FREM1: variants seen among roughly 807,000 people sequenced by gnomAD.
FREM1 encodes FRAS1-related extracellular matrix protein 1.
A neutral mutation model predicts 210.1 loss-of-function variants in FREM1; 220 were observed. The observed-to-expected ratio is 1.05, with a 90% confidence interval of 0.94 to 1.17. FREM1 has a LOEUF of 1.17. Ranked by LOEUF, FREM1 falls within the 50% of genes most tolerant of loss-of-function variation. The pLI is 0.00. For synonymous variants in FREM1, 1,189 were observed against 980.2 expected (o/e 1.21, Z -3.98); for missense variants, 3,454 against 2,675.5 (o/e 1.29, Z -6.42).
chr9:14,757,188 A>G (rs993421934), intron 28 of FREM1, among the ~76,000 whole-genome samples: 11 of 152,138 alleles, frequency 7.2e-5, no homozygotes, highest in African/African-American at 2.4e-4. Context: ...AAGACTAAAA[A>G]CCAAAGAGGC....
intron 8 of FREM1, among the ~76,000 whole-genome samples, chr9:14,843,348 AC>A (rs2131238931): frequency 6.6e-6 from 1 of 152,234 alleles, no homozygotes; most frequent in African/African-American, 2.4e-5. Flanking sequence ...GGACTGGGTT[AC>A]ACCATCAGCT....
At chr9:14,776,330 G>A (rs979570770) in intron 24 of FREM1, 127 bp from the exon 25 acceptor site, 103 of 1,115,628 alleles carry the variant, frequency 9.2e-5, no homozygotes, top group Non-Finnish European at 1.0e-4. Context: ...GAAAAATCAA[G>A]GGCAGATCTT....
At chr9:14,877,039 C>G (rs185064230) in intron 1 of FREM1, among the ~76,000 whole-genome samples, 1 of 152,280 alleles carries the variant, frequency 6.6e-6, no homozygotes, top group Non-Finnish European at 1.5e-5. Flanking sequence ...CTGCAGTCCT[C>G]TTATCTCACT....
Position 14,801,831 on chromosome 9 carries a change from C to T in FREM1, c.3515G>A (p.Ser1172Asn). 6.2e-7 allele frequency: 1 copy of T among 1,613,930 alleles called. No individual in the cohort carries two copies. Among genetic ancestry groups the T allele is most frequent in the Non-Finnish European group, 8.5e-7 (1 of 1,179,874 alleles). ...QMKELDSSIISAVDLDIPQDA... is the reference protein window; with the variant it reads ...QMKELDSSIINAVDLDIPQDA... ...CTGGGGAATGTCCAGGTCCACAGCG[C>T]TGATGATGGAAGAGTCCAGCTCTTT... Residue 1172 changes from serine to asparagine, a missense_variant, in exon 20 of 37, where the codon AGC becomes AAC. Transcript: ENST00000380880.
chr9:14,907,793 T>C (rs2132758407), intron 1 of FREM1, among the ~76,000 whole-genome samples: 1 of 152,350 alleles, frequency 6.6e-6, no homozygotes, highest in South Asian at 2.1e-4. Flanking sequence ...AGCCCATATC[T>C]GTGTTTAGAA....
At chr9:14,741,635 T>G (rs1317434047) in intron 35 of FREM1, among the ~76,000 whole-genome samples, 1 of 152,158 alleles carries the variant, frequency 6.6e-6, no homozygotes, top group Admixed American at 6.6e-5. Flanking sequence ...GGGTTAAATA[T>G]AAGCTGAGGG....
intron 19 of FREM1, among the ~76,000 whole-genome samples, chr9:14,802,389 C>T (rs924939687): frequency 6.6e-6 from 1 of 152,150 alleles, no homozygotes; most frequent in Admixed American, 6.5e-5. Flanking sequence ...GTAAAAACTT[C>T]TGTATTTCCA....
intron 25 of FREM1, chr9:14,774,097 C>A (rs1848097244): frequency 1.9e-6 from 1 of 518,866 alleles, no homozygotes; most frequent in Non-Finnish European, 3.8e-6. Context: ...TCTTTCTTCT[C>A]CCAGTGCATT....
chr9:14,873,689 T>G (rs1326873005), intron 1 of FREM1, among the ~76,000 whole-genome samples: 1 of 152,216 alleles, frequency 6.6e-6, no homozygotes, highest in Non-Finnish European at 1.5e-5. Context: ...CTGATTTTAG[T>G]TATTTCTTGC....
chr9:14,784,209 T>TA, intron 24 of FREM1, 161 bp downstream of exon 24: 1 of 624,024 alleles, frequency 1.6e-6, no homozygotes, highest in Non-Finnish European at 2.4e-6. Context: ...TTCCTTTTTT[T>TA]AAAAAACAAA....
At chr9:14,840,490 G>A (rs1825482888) in intron 10 of FREM1, among the ~76,000 whole-genome samples, 1 of 152,202 alleles carries the variant, frequency 6.6e-6, no homozygotes, top group Non-Finnish European at 1.5e-5. Context: ...GCAGCAGGCA[G>A]AGAGAGAGCG....
Position 14,747,531 on chromosome 9 carries a change from G to A in FREM1, c.5845-103C>T, listed in dbSNP as rs1190313507. 2.4e-6 allele frequency: 3 copies of A among 1,246,048 alleles called. No homozygotes were observed. The African/African-American group carries it at 4.6e-5, about 19-fold the overall frequency. The allele number at this position is 1,246,048 out of a possible 1,614,324, so 77.2% of individuals were successfully genotyped here. On this transcript the variant is annotated intron_variant, in intron 32 of 36. Coordinates refer to ENST00000380880, the MANE Select transcript of FREM1 (RefSeq NM_001379081.2). Reference sequence around the variant, plus strand: ...AAATTCAGTCAAAGCAAAAAGATAAGAGGATTTGTTTCTCTGAACACCCAA... The same window carrying A: ...AAATTCAGTCAAAGCAAAAAGATAAAAGGATTTGTTTCTCTGAACACCCAA...
rs367914255 is a variant in FREM1 at position 14,824,833 on chromosome 9, T to C, written c.2041A>G (p.Thr681Ala). ...GAGAAAAATGGAGGAGTAGTTATTG[T>C]GTAGACCAGCTCCCTGTCATATGAT... ...SESYDRELVY[T>A]ITTPPFFSFS... is the part of the protein sequence containing the mutation. Residue 681 changes from threonine to alanine, a missense_variant, in exon 11 of 37, where the codon ACA becomes GCA. By Grantham distance (58) the Thr-to-Ala change is moderately conservative (BLOSUM62 0). Coordinates refer to ENST00000380880, the MANE Select transcript of FREM1 (RefSeq NM_001379081.2). 2 of 1,613,080 alleles carry C rather than the reference T, an allele frequency of 1.2e-6. No individual in the cohort carries two copies. Among genetic ancestry groups the C allele is most frequent in the Non-Finnish European group, 8.5e-7 (1 of 1,179,472 alleles).
intron 1 of FREM1, among the ~76,000 whole-genome samples, chr9:14,903,095 T>C (rs983794375): frequency 3.3e-5 from 5 of 152,246 alleles, no homozygotes; most frequent in African/African-American, 1.2e-4. Context: ...GCAGCTTTTT[T>C]TGATTGTTCC....
rs368298867 is a variant in FREM1 at position 14,859,501 on chromosome 9, G to C, written c.330-17C>G. On this transcript the variant is annotated splice_polypyrimidine_tract_variant and intron_variant, in intron 3 of 36. Coordinates refer to ENST00000380880, the MANE Select transcript of FREM1 (RefSeq NM_001379081.2). ...TCAGTAAATCTGTGGAGAACACAGG[G>C]CAAAAGCAATATTAATTGGTGCTCA... is the stretch of plus-strand genomic sequence containing the variant. 3 of 1,595,992 alleles carry C rather than the reference G, an allele frequency of 1.9e-6. No individual in the cohort carries two copies. The highest frequency in any genetic ancestry group is 1.7e-6 in the Non-Finnish European group (2 of 1,169,072).
At chr9:14,794,024 G>A (rs1003711667) in intron 21 of FREM1, among the ~76,000 whole-genome samples, 2 of 152,238 alleles carry the variant, frequency 1.3e-5, no homozygotes, top group African/African-American at 4.8e-5. Flanking sequence ...ATGTCATTAA[G>A]AAGATGAAGA....
rs958091657 is a variant in FREM1 at position 14,853,557 on chromosome 9, A to T, written c.829-1950T>A. Among the ~76,000 whole-genome samples the T allele has an allele frequency of 2.0e-5, 3 of 152,350 alleles. 1 individual carries two copies. Among genetic ancestry groups the T allele is most frequent in the Admixed American group, 2.0e-4 (3 of 15,314 alleles). On this transcript the variant is annotated intron_variant, in intron 5 of 36. Coordinates refer to ENST00000380880, the MANE Select transcript of FREM1 (RefSeq NM_001379081.2). ...GAGACATCTACCAGGCTCAGAGAGCATGAAATCATATGTCATCAATGCCTG... is the reference window on the plus strand; with the variant it reads ...GAGACATCTACCAGGCTCAGAGAGCTTGAAATCATATGTCATCAATGCCTG...
chr9:14,777,577 T>C (rs1848830464), intron 24 of FREM1, among the ~76,000 whole-genome samples: 2 of 152,232 alleles, frequency 1.3e-5, no homozygotes, highest in South Asian at 2.1e-4. Context: ...TTTCGTAGAA[T>C]GTATAAACTA....
rs371264628 is a variant in FREM1 at position 14,759,858 on chromosome 9, A to G, written c.5248T>C (p.Tyr1750His). Residue 1750 changes from tyrosine (Y) to histidine (H), a missense_variant, in exon 28 of 37, where the codon TAT becomes CAT. Coordinates refer to ENST00000380880, the MANE Select transcript of FREM1 (RefSeq NM_001379081.2). ...WSHIEWSQTE[Y>H]EVCENVGLLP... ...AAACCCACATTCTCACAGACTTCAT[A>G]TTCGGTCTGTGACCATTCAATATGA... 18 of 1,612,720 alleles carry G rather than the reference A, an allele frequency of 1.1e-5. No homozygotes were observed. The highest frequency in any genetic ancestry group is 1.5e-5 in the Non-Finnish European group (18 of 1,179,068).
Sources: gnomAD v4.1 joint callset for allele counts (sites outside exome capture counted in the v4.1 genomes callset) on GRCh38, gnomAD v4.1.1 for gene constraint, MANE v1.5 for transcripts, NCBI Gene and HGNC (gene_info 2026-07-23, HGNC 2026-07-21) for gene names.